The following CELF4 variants were observed in gnomAD, a reference collection of about 807,000 sequenced individuals.
The protein encoded by CELF4 is CUG-BP- and ETR-3-like factor 4.
CELF4 carries 18 observed loss-of-function variants against 59.9 expected under a neutral mutation model. That is an observed-to-expected ratio of 0.30 (90% CI 0.21 to 0.45). The LOEUF is 0.45. Ranked by LOEUF, CELF4 falls within the 20% of genes least tolerant of loss-of-function variation. The probability of loss-of-function intolerance (pLI) is 1.00; values close to 1 mark genes in which losing one functional copy is unlikely to be tolerated. For missense variants in CELF4, 456 were observed against 689.0 expected, an observed-to-expected ratio of 0.66 and a Z score of 3.79; for synonymous variants, 261 against 267.1, an observed-to-expected ratio of 0.98 and a Z score of 0.22.
chr18:37,484,585 G>A (rs539303963), intron 2 of CELF4, among the ~76,000 whole-genome samples: 1 of 152,178 alleles, frequency 6.6e-6, no homozygotes, highest in Non-Finnish European at 1.5e-5. Context: ...ACCCCTAAAC[G>A]AGTAAAGAAA....
At chr18:37,280,351 A>G (rs1165222764) in intron 3 of CELF4, among the ~76,000 whole-genome samples, 5 of 152,180 alleles carry the variant, frequency 3.3e-5, no homozygotes, top group African/African-American at 1.2e-4. Context: ...AATTGTTAGA[A>G]CAGAGGATCT....
At chr18:37,356,681 T>C (rs1037538391) in intron 2 of CELF4, among the ~76,000 whole-genome samples, 9 of 152,232 alleles carry the variant, frequency 5.9e-5, no homozygotes, top group Non-Finnish European at 1.2e-4. Flanking sequence ...ATGCTTGACA[T>C]CTGCTTTTGG....
intron 1 of CELF4, among the ~76,000 whole-genome samples, chr18:37,513,339 G>A (rs1263160056): frequency 6.6e-6 from 1 of 152,180 alleles, no homozygotes; most frequent in Non-Finnish European, 1.5e-5. Flanking sequence ...TCTGTCATCT[G>A]GGAGGTGGGA....
Position 37,545,850 on chromosome 18 carries a change from G to A in CELF4, c.286+19506C>T, listed in dbSNP as rs149129853. Reference sequence around the variant, plus strand: ...TGGGGAGCTGACCCCCTCTTCTTCCGGTCTCCCAGGGAATCTGTGGGCAGA... The same window carrying A: ...TGGGGAGCTGACCCCCTCTTCTTCCAGTCTCCCAGGGAATCTGTGGGCAGA... On this transcript the variant is annotated intron_variant, in intron 1 of 12. Coordinates refer to ENST00000420428, the MANE Select transcript of CELF4 (RefSeq NM_020180.4). 2.0e-3 allele frequency among the ~76,000 whole-genome samples: 300 copies of A among 152,136 alleles called. 1 individual carries two copies. Among genetic ancestry groups the A allele is most frequent in the Non-Finnish European group, 2.8e-3 (193 of 68,000 alleles).
chr18:37,446,262 G>A (rs1016431463), intron 2 of CELF4, among the ~76,000 whole-genome samples: 2 of 152,160 alleles, frequency 1.3e-5, no homozygotes, highest in South Asian at 2.1e-4. Flanking sequence ...TGCAAGAGAC[G>A]GATGGATTTG....
rs78987520 is a variant in CELF4 at position 37,381,165 on chromosome 18, T to C, written c.370-59284A>G. On this transcript the variant is annotated intron_variant, in intron 2 of 12. Coordinates refer to ENST00000420428, the MANE Select transcript of CELF4 (RefSeq NM_020180.4). ...ATCCATCCATCCATCCACCTACCAT[T>C]CATCCACTCAACAATAAGTATCAAG... Among the ~76,000 whole-genome samples, 805 of 151,884 alleles carry C rather than the reference T, an allele frequency of 5.3e-3. 1 individual carries two copies. The highest frequency in any genetic ancestry group is 7.6e-3 in the Admixed American group (116 of 15,248).
At chr18:37,417,445 C>A (rs572521323) in intron 2 of CELF4, among the ~76,000 whole-genome samples, 3 of 152,230 alleles carry the variant, frequency 2.0e-5, no homozygotes, top group Non-Finnish European at 4.4e-5. Context: ...TCTCCCTTTC[C>A]CTATGTTCAA....
intron 2 of CELF4, among the ~76,000 whole-genome samples, chr18:37,472,244 G>A (rs373349424): frequency 4.3e-4 from 65 of 152,364 alleles, no homozygotes; most frequent in African/African-American, 8.2e-4. Flanking sequence ...CAGCTCCAGC[G>A]TCCTTATGGA....
intron 3 of CELF4, among the ~76,000 whole-genome samples, chr18:37,292,984 A>G (rs2095431423): frequency 6.6e-6 from 1 of 152,192 alleles, no homozygotes; most frequent in Non-Finnish European, 1.5e-5. Context: ...ACCCTCTCAT[A>G]GGCAAAACTC....
chr18:37,449,990 A>G (rs975662545), intron 2 of CELF4, among the ~76,000 whole-genome samples: 4 of 152,204 alleles, frequency 2.6e-5, no homozygotes, highest in African/African-American at 7.2e-5. Context: ...TAACAAGGAG[A>G]AAACCCAACT....
chr18:37,532,443 C>G (rs1436737688), intron 1 of CELF4, among the ~76,000 whole-genome samples: 2 of 152,186 alleles, frequency 1.3e-5, no homozygotes, highest in Non-Finnish European at 2.9e-5. Context: ...TGGATGCTAT[C>G]TTTTGGGGAG....
intron 2 of CELF4, among the ~76,000 whole-genome samples, chr18:37,336,783 C>T (rs1173685258): frequency 6.6e-6 from 1 of 152,218 alleles, no homozygotes. Context: ...TGCGGCGTCT[C>T]TCCAGGCCAT....
intron 9 of CELF4, 129 bp downstream of exon 9, chr18:37,266,404 C>T: frequency 1.0e-6 from 1 of 980,924 alleles, no homozygotes; most frequent in Non-Finnish European, 1.6e-6. Context: ...CAGCACAGCC[C>T]TCCCTCTTTC....
chr18:37,465,190 A>G (rs758469586), intron 2 of CELF4, among the ~76,000 whole-genome samples: 3 of 152,088 alleles, frequency 2.0e-5, no homozygotes, highest in Non-Finnish European at 4.4e-5. Context: ...TATATTATTT[A>G]TTTAGTCTTA....
At chr18:37,384,990 T>A (rs1048378272) in intron 2 of CELF4, among the ~76,000 whole-genome samples, 1 of 152,198 alleles carries the variant, frequency 6.6e-6, no homozygotes, top group Non-Finnish European at 1.5e-5. Context: ...CTTTTCTCCC[T>A]TTGTCCTCAT....
At chr18:37,358,201 G>C (rs1028351584) in intron 2 of CELF4, among the ~76,000 whole-genome samples, 3 of 152,190 alleles carry the variant, frequency 2.0e-5, no homozygotes, top group African/African-American at 7.2e-5. Flanking sequence ...TTGTGGGAGG[G>C]ACCCGGTGGG....
At chr18:37,465,016 T>C (rs2099804100) in intron 2 of CELF4, among the ~76,000 whole-genome samples, 1 of 152,030 alleles carries the variant, frequency 6.6e-6, no homozygotes. Flanking sequence ...TCCGGGAAAG[T>C]CTCTTAACCT....
rs576623762 is a variant in CELF4 at position 37,270,842 on chromosome 18, G to C, written c.1025C>G (p.Thr342Ser). ...CCCATTGGCCTGTGGGGGGAGGCCG[G>C]TGAAGCCATTCACCCCAATGGGGGA... ...IPSPIGVNGFTGLPPQANGQP... is the reference protein window; with the variant it reads ...IPSPIGVNGFSGLPPQANGQP... The change falls in exon 8 of 13, where the codon ACC becomes AGC. Residue 342 changes from threonine (T) to serine (S), a missense_variant. By Grantham distance (58) the Thr-to-Ser change is moderately conservative. Transcript: ENST00000420428. 1 of 1,613,798 alleles carries C rather than the reference G, an allele frequency of 6.2e-7. No homozygotes were observed. The highest frequency in any genetic ancestry group is 1.1e-5 in the South Asian group (1 of 91,074).
At chr18:37,286,290 C>T (rs901325248) in intron 3 of CELF4, among the ~76,000 whole-genome samples, 3 of 152,174 alleles carry the variant, frequency 2.0e-5, no homozygotes, top group African/African-American at 2.4e-5. Context: ...AACCATGGAG[C>T]GGGGGCTCGT....
Sources: gnomAD v4.1 joint callset for allele counts (sites outside exome capture counted in the v4.1 genomes callset) on GRCh38, gnomAD v4.1.1 for gene constraint, MANE v1.5 for transcripts, NCBI Gene and HGNC (gene_info 2026-07-23, HGNC 2026-07-21) for gene names.